Variants in IL2RB observed in about 807,000 individuals in gnomAD.
IL2RB encodes the protein interleukin-2 receptor subunit beta.
Under a neutral mutation model 44.2 loss-of-function variants are expected in IL2RB, and 17 were observed. The observed-to-expected ratio is 0.38, with a 90% confidence interval of 0.26 to 0.58. The LOEUF (loss-of-function observed/expected upper bound fraction) is 0.58. IL2RB is among the 20% of genes least tolerant of loss of function. The probability of loss-of-function intolerance (pLI) is 0.63; values close to 1 mark genes in which losing one functional copy is unlikely to be tolerated. For synonymous variants in IL2RB, 286 were observed against 297.9 expected (o/e 0.96, Z 0.41); for missense variants, 624 against 685.5 (o/e 0.91, Z 1.00).
rs1163105854 is a variant in IL2RB at position 37,144,131 on chromosome 22, G to A, written c.42C>T (p.Ile14=). 8 of 1,552,384 alleles carry A rather than the reference G, an allele frequency of 5.2e-6. No individual in the cohort carries two copies. In the South Asian group the frequency reaches 8.3e-5, roughly 16 times the overall value. Residue 14 remains isoleucine, a synonymous_variant, in exon 2 of 10, where the codon ATC becomes ATT. Transcript: ENST00000216223. ...AAGAGGTAGCCAGGGGCAGGAGGAG[G>A]ATGAGGAGGGGCAGACGCCAGGACA... ...PALSWRLPLL[I]LLLPLATSWA...
upstream of IL2RB, among the ~76,000 whole-genome samples, chr22:37,150,191 C>T (rs928054480): frequency 5.9e-5 from 9 of 151,670 alleles, no homozygotes; most frequent in Non-Finnish European, 1.3e-4. Context: ...GCAGGCCCTC[C>T]CTCTCTCCCC....
At chr22:37,142,374 G>T (rs376142164) in intron 4 of IL2RB, 60 bp downstream of exon 4, 1 of 1,497,742 alleles carries the variant, frequency 6.7e-7, no homozygotes, top group Non-Finnish European at 9.3e-7. Context: ...CCCTGAGATC[G>T]CAGCCCGGAG....
chr22:37,159,225 ACTTG>A (rs1216447353), intron 1 of IL2RB, among the ~76,000 whole-genome samples: 1 of 151,808 alleles, frequency 6.6e-6, no homozygotes, highest in Non-Finnish European at 1.5e-5. Flanking sequence ...AAGAAGTAAC[ACTTG>A]CTTGCTTTTT....
At position 37,143,565 on chromosome 22, in the gene IL2RB, A is replaced by T. The variant is rs1922069629; in HGVS notation, c.159T>A (p.Ala53=). The change falls in exon 3 of 10, where the codon GCT becomes GCA. Residue 53 remains alanine (A), a synonymous_variant. Coordinates refer to ENST00000216223, the MANE Select transcript of IL2RB (RefSeq NM_000878.5). ...NISCVWSQDG[A]LQDTSCQVHA... ...GGACTTGGCAGGAAGTGTCCTGCAGAGCCCCATCTTGGCTCCAGACACAGG... is the reference window on the plus strand; with the variant it reads ...GGACTTGGCAGGAAGTGTCCTGCAGTGCCCCATCTTGGCTCCAGACACAGG... 1.9e-6 allele frequency: 3 copies of T among 1,613,954 alleles called. No homozygotes were observed. Among genetic ancestry groups the T allele is most frequent in the South Asian group, 1.1e-5 (1 of 91,088 alleles).
At chr22:37,130,627 A>T (rs1921378486) in intron 9 of IL2RB, among the ~76,000 whole-genome samples, 1 of 152,210 alleles carries the variant, frequency 6.6e-6, no homozygotes, top group South Asian at 2.1e-4. Flanking sequence ...CCTCATGGGA[A>T]GCTGGAATGG....
At chr22:37,134,421 A>G (rs1172662438) in intron 8 of IL2RB, among the ~76,000 whole-genome samples, 1 of 152,138 alleles carries the variant, frequency 6.6e-6, no homozygotes, top group Admixed American at 6.5e-5. Context: ...CTTGGCCAAC[A>G]TGGTGAAACC....
chr22:37,146,527 C>T (rs1336748647), intron 1 of IL2RB, among the ~76,000 whole-genome samples: 1 of 152,252 alleles, frequency 6.6e-6, no homozygotes, highest in East Asian at 1.9e-4. Flanking sequence ...CAAGTCTATC[C>T]TTTCCCTGGG....
At chr22:37,146,442 C>G (rs966101959) in intron 1 of IL2RB, among the ~76,000 whole-genome samples, 1 of 152,136 alleles carries the variant, frequency 6.6e-6, no homozygotes, top group Non-Finnish European at 1.5e-5. Flanking sequence ...ACACACACAC[C>G]GCACCTACCT....
chr22:37,173,825 C>T (rs1923364827), intron 1 of IL2RB, among the ~76,000 whole-genome samples: 1 of 152,182 alleles, frequency 6.6e-6, no homozygotes, highest in Non-Finnish European at 1.5e-5. Flanking sequence ...GAGCTTGAAG[C>T]CTCGTGAGCA....
chr22:37,167,510 C>T (rs1923126448), intron 1 of IL2RB, among the ~76,000 whole-genome samples: 2 of 152,250 alleles, frequency 1.3e-5, no homozygotes, highest in African/African-American at 4.8e-5. Flanking sequence ...TCTCTGGCTT[C>T]TTCTCTCCCT....
rs1402373718 is a variant in IL2RB at position 37,136,469 on chromosome 22, C to A, written c.538-76G>T. ...CCAGGAGGCTGAGCATCACAGAACC[C>A]CCCCCCAACCCCTGCCAGCTGCACC... On this transcript the variant is annotated intron_variant, in intron 6 of 9. Coordinates refer to ENST00000216223, the MANE Select transcript of IL2RB (RefSeq NM_000878.5). 38 of 1,440,910 alleles carry A rather than the reference C, an allele frequency of 2.6e-5. 1 individual carries two copies. Among genetic ancestry groups the A allele is most frequent in the Admixed American group, 2.1e-4 (10 of 47,728 alleles). 89.3% of individuals were successfully genotyped at this position (1,440,910 alleles called of 1,614,324 possible). A position where few individuals can be genotyped will look rare whatever the true frequency, so the allele number is the denominator to read the frequency against.
intron 1 of IL2RB, among the ~76,000 whole-genome samples, chr22:37,164,578 G>A (rs1031863258): frequency 6.6e-6 from 1 of 152,060 alleles, no homozygotes; most frequent in Non-Finnish European, 1.5e-5. Context: ...AGGTGAGTGG[G>A]CCGGGCAAGC....
chr22:37,150,286 G>T (rs1280226311), upstream of IL2RB, among the ~76,000 whole-genome samples: 1 of 151,740 alleles, frequency 6.6e-6, no homozygotes, highest in Non-Finnish European at 1.5e-5. Flanking sequence ...CCACTAATAC[G>T]TAGGCTTCAC....
intron 1 of IL2RB, among the ~76,000 whole-genome samples, chr22:37,168,754 C>T (rs1030554679): frequency 6.6e-6 from 1 of 152,176 alleles, no homozygotes; most frequent in Admixed American, 6.5e-5. Flanking sequence ...CTGCAAGAGC[C>T]AAGGCACAGA....
intron 9 of IL2RB, among the ~76,000 whole-genome samples, chr22:37,131,720 G>A (rs1203735452): frequency 6.6e-6 from 1 of 152,066 alleles, no homozygotes; most frequent in Non-Finnish European, 1.5e-5. Flanking sequence ...CACCGGCAAC[G>A]GTAATACCAG....
At chr22:37,140,286 CATTATT>C (rs58127106) in intron 4 of IL2RB, among the ~76,000 whole-genome samples, 47,326 of 145,226 alleles carry the variant, frequency 0.33, 7,969 homozygotes, top group Admixed American at 0.41. Flanking sequence ...ATAGTAGTCT[CATTATT>C]ATTATTATTA....
At chr22:37,164,151 C>A (rs1217836246) in intron 1 of IL2RB, among the ~76,000 whole-genome samples, 1 of 152,224 alleles carries the variant, frequency 6.6e-6, no homozygotes, top group Non-Finnish European at 1.5e-5. Context: ...TGTAGCCTGT[C>A]AACACAGGGT....
chr22:37,130,529 G>C (rs576949205), intron 9 of IL2RB, among the ~76,000 whole-genome samples: 1 of 152,320 alleles, frequency 6.6e-6, no homozygotes, highest in African/African-American at 2.4e-5. Context: ...GAAAAGGTGG[G>C]GCCTGCTTTG....
intron 1 of IL2RB, among the ~76,000 whole-genome samples, chr22:37,169,595 C>T (rs183635977): frequency 6.6e-6 from 1 of 151,914 alleles, no homozygotes; most frequent in East Asian, 1.9e-4. Flanking sequence ...CTTGAAGATC[C>T]CCCTTTGCAT....
Sources: gnomAD v4.1 joint callset for allele counts (sites outside exome capture counted in the v4.1 genomes callset) on GRCh38, gnomAD v4.1.1 for gene constraint, MANE v1.5 for transcripts, NCBI Gene and HGNC (gene_info 2026-07-23, HGNC 2026-07-21) for gene names.